Variants in METTL15 observed in about 807,000 individuals in gnomAD.
METTL15 encodes methyltransferase 15, mitochondrial 12S rRNA N4-cytidine, also known as 12S rRNA N(4)-cytidine methyltransferase METTL15.
In METTL15, 34 loss-of-function variants were observed where a neutral mutation model predicts 38.3. The ratio of observed to expected loss-of-function variants is 0.89; its 90% CI spans 0.68 to 1.18. The LOEUF (loss-of-function observed/expected upper bound fraction) is 1.18, where lower values mean the gene tolerates loss of function less well. Among genes scored for constraint, METTL15 ranks in the 50% most tolerant of loss-of-function variants. The pLI, the probability that METTL15 is intolerant of heterozygous loss-of-function variation, is 0.00. For missense variants in METTL15, 438 were observed against 498.4 expected, an observed-to-expected ratio of 0.88 and a Z score of 1.15; for synonymous variants, 162 against 170.9, an observed-to-expected ratio of 0.95 and a Z score of 0.41.
At chr11:28,253,476 A>T (rs4559676) in intron 4 of METTL15, among the ~76,000 whole-genome samples, 3 of 152,098 alleles carry the variant, frequency 2.0e-5, no homozygotes, top group South Asian at 2.1e-4. Flanking sequence ...GTACTCTTTA[A>T]GTTATTTTAA....
chr11:28,150,099 G>A (rs1850028568), intron 3 of METTL15, among the ~76,000 whole-genome samples: 1 of 151,858 alleles, frequency 6.6e-6, no homozygotes. Context: ...GCTCAGATTA[G>A]GTTTGAAAGG....
rs1849803796 is a variant in METTL15, at chr11:28,331,075, A to G, written c.*234A>G. 6.4e-6 allele frequency: 2 copies of G among 310,092 alleles called. No individual in the cohort carries two copies. Among genetic ancestry groups the G allele is most frequent in the Admixed American group, 1.0e-4 (2 of 19,728 alleles). The allele number at this position is 310,092 out of a possible 1,614,324, so 19.2% of individuals were successfully genotyped here. On this transcript the variant is annotated 3_prime_UTR_variant, in exon 7 of 7. Coordinates refer to ENST00000407364, the MANE Select transcript of METTL15 (RefSeq NM_001113528.2). Reference sequence around the variant, plus strand: ...AAAAATATGTTAATCTTTGCATCATATTGGACTCTTGAAGGCAATCCTTCC... The same window carrying G: ...AAAAATATGTTAATCTTTGCATCATGTTGGACTCTTGAAGGCAATCCTTCC...
At chr11:28,256,873 T>C (rs1854993896) in intron 4 of METTL15, among the ~76,000 whole-genome samples, 1 of 152,128 alleles carries the variant, frequency 6.6e-6, no homozygotes, top group Admixed American at 6.5e-5. Context: ...GCTTTTGTTT[T>C]ATCCTACAGG....
At chr11:28,239,981 A>G (rs958564336) in intron 4 of METTL15, among the ~76,000 whole-genome samples, 1 of 152,180 alleles carries the variant, frequency 6.6e-6, no homozygotes, top group African/African-American at 2.4e-5. Context: ...CCTTACTGTT[A>G]TAGATCTAAT....
At position 28,267,316 on chromosome 11, in the gene METTL15, T is replaced by C. The variant is rs1205292596; in HGVS notation, c.408-22890T>C. ...AAAATTGCCAGGCATGCCTCTGAAT[T>C]AAAGTCAGTGCATTAGCTGTTTTTC... On this transcript the variant is annotated intron_variant, in intron 4 of 6. Coordinates refer to ENST00000407364, the MANE Select transcript of METTL15 (RefSeq NM_001113528.2). Among the ~76,000 whole-genome samples, 4 of 152,254 alleles carry C rather than the reference T, an allele frequency of 2.6e-5. No individual in the cohort carries two copies. The East Asian group carries it at 7.7e-4, about 29-fold the overall frequency.
At chr11:28,321,058 T>G (rs1262677286) in intron 6 of METTL15, among the ~76,000 whole-genome samples, 3 of 152,136 alleles carry the variant, frequency 2.0e-5, no homozygotes, top group Non-Finnish European at 4.4e-5. Context: ...CCGCTCTCCA[T>G]TAGTCCAGGC....
At chr11:28,226,917 C>T (rs750979626) in intron 4 of METTL15, among the ~76,000 whole-genome samples, 17 of 151,754 alleles carry the variant, frequency 1.1e-4, no homozygotes, top group Non-Finnish European at 1.5e-4. Flanking sequence ...TATAAACAAG[C>T]ATGAAAAAAG....
intron 4 of METTL15, among the ~76,000 whole-genome samples, chr11:28,284,230 A>G (rs1359272665): frequency 6.6e-6 from 1 of 152,142 alleles, no homozygotes; most frequent in Non-Finnish European, 1.5e-5. Context: ...ATACTTGTAC[A>G]TTATAATGTT....
At chr11:28,208,793 C>A (rs1332427135) in intron 3 of METTL15, among the ~76,000 whole-genome samples, 1 of 151,856 alleles carries the variant, frequency 6.6e-6, no homozygotes, top group Non-Finnish European at 1.5e-5. Context: ...TGTTAGTGAC[C>A]TAGAAGAAGG....
At chr11:28,271,096 A>AT (rs768132068) in intron 4 of METTL15, among the ~76,000 whole-genome samples, 2 of 152,170 alleles carry the variant, frequency 1.3e-5, no homozygotes, top group Admixed American at 6.5e-5. Context: ...TTAGAAATCT[A>AT]TTAAGTCTAG....
intron 6 of METTL15, among the ~76,000 whole-genome samples, chr11:28,322,625 C>T (rs1339208737): frequency 1.3e-5 from 2 of 152,054 alleles, no homozygotes; most frequent in African/African-American, 4.8e-5. Context: ...TTTAAGTGGA[C>T]ATAACTACCC....
At chr11:28,412,705 G>C (rs1290544236) in intron 5 of METTL15, among the ~76,000 whole-genome samples, 1 of 151,968 alleles carries the variant, frequency 6.6e-6, no homozygotes, top group East Asian at 1.9e-4. Flanking sequence ...AGAAGCACAG[G>C]GACAGAGAAT....
At chr11:28,306,965 T>C (rs141840766) in intron 6 of METTL15, among the ~76,000 whole-genome samples, 10 of 152,104 alleles carry the variant, frequency 6.6e-5, no homozygotes, top group African/African-American at 2.2e-4. Context: ...ATTTTTAAAA[T>C]AGGAATTTGT....
At chr11:28,236,867 G>T (rs751455425) in intron 4 of METTL15, among the ~76,000 whole-genome samples, 2 of 152,036 alleles carry the variant, frequency 1.3e-5, no homozygotes, top group Non-Finnish European at 2.9e-5. Flanking sequence ...ATGAAGCTTC[G>T]TTTGGCTGGA....
At chr11:28,394,753 C>CCAA (rs1850550965) in intron 5 of METTL15, among the ~76,000 whole-genome samples, 1 of 152,046 alleles carries the variant, frequency 6.6e-6, no homozygotes, top group African/African-American at 2.4e-5. Flanking sequence ...TATGACTTTT[C>CCAA]CAACAAAATC....
At chr11:28,201,127 G>C (rs1852097490) in intron 3 of METTL15, among the ~76,000 whole-genome samples, 1 of 152,114 alleles carries the variant, frequency 6.6e-6, no homozygotes, top group African/African-American at 2.4e-5. Flanking sequence ...AAGCGATGTT[G>C]AATTTTATCA....
At chr11:28,511,406 T>C (rs1851673005) in intron 6 of METTL15, among the ~76,000 whole-genome samples, 2 of 152,086 alleles carry the variant, frequency 1.3e-5, no homozygotes, top group South Asian at 4.1e-4. Flanking sequence ...GAAGAGAAAA[T>C]GTGTTTACTA....
intron 3 of METTL15, among the ~76,000 whole-genome samples, chr11:28,121,849 TG>T (rs1452405262): frequency 6.6e-6 from 1 of 152,020 alleles, no homozygotes; most frequent in African/African-American, 2.4e-5. Context: ...ATTTTAAGAG[TG>T]GCATGTTTAT....
At chr11:28,371,130 A>G (rs1384872982) in intron 5 of METTL15, among the ~76,000 whole-genome samples, 6 of 152,048 alleles carry the variant, frequency 3.9e-5, no homozygotes, top group African/African-American at 7.2e-5. Context: ...GCTCAGACCA[A>G]TGTTTTGGAG....
Sources: gnomAD v4.1 joint callset for allele counts (sites outside exome capture counted in the v4.1 genomes callset) on GRCh38, gnomAD v4.1.1 for gene constraint, MANE v1.5 for transcripts, NCBI Gene and HGNC (gene_info 2026-07-23, HGNC 2026-07-21) for gene names.